Variants in SCARA5 observed in about 807,000 individuals in gnomAD.
SCARA5 encodes scavenger receptor class A member 5.
In SCARA5, 45 loss-of-function variants were observed where a neutral mutation model predicts 46.3. The observed-to-expected ratio is 0.97, with a 90% CI of 0.76 to 1.24. The LOEUF (loss-of-function observed/expected upper bound fraction) is 1.24, where lower values mean the gene tolerates loss of function less well. SCARA5 is among the 50% of genes most tolerant of loss of function. The probability of loss-of-function intolerance (pLI) is 0.00; values close to 1 mark genes in which losing one functional copy is unlikely to be tolerated. For missense variants in SCARA5, 680 were observed against 689.0 expected (o/e 0.99, Z 0.15); for synonymous variants, 333 against 306.5 (o/e 1.09, Z -0.90).
chr8:27,956,034 T>C (rs946645218), intron 3 of SCARA5, among the ~76,000 whole-genome samples: 15 of 152,126 alleles, frequency 9.9e-5, no homozygotes, highest in Non-Finnish European at 8.8e-5. Flanking sequence ...GGATTTGAGA[T>C]GATGTTTGTT....
chr8:27,952,805 T>TC (rs1227773487), intron 3 of SCARA5, among the ~76,000 whole-genome samples: 6 of 152,206 alleles, frequency 3.9e-5, no homozygotes, highest in Non-Finnish European at 8.8e-5. Context: ...TGGATTTTTT[T>TC]CCCACTCTCT....
At position 27,940,759 on chromosome 8, in the gene SCARA5, T is replaced by TCC. The variant is rs1563532869; in HGVS notation, c.242-18515_242-18514insGG. Among the ~76,000 whole-genome samples, 42 of 29,050 alleles carry TCC rather than the reference T, an allele frequency of 1.4e-3. No individual in the cohort carries two copies. The South Asian group carries it at 0.056, about 38-fold the overall frequency. The allele number at this position is 29,050 out of a possible 152,430, so 19.1% of individuals were successfully genotyped here. A position where few individuals can be genotyped will look rare whatever the true frequency, so the allele number is the denominator to read the frequency against. The stretch of plus-strand genomic sequence containing the variant: ...CTGCCCATCCACCCACCCAACCATC[T>TCC]GTCCATCCATCCATCCATCCATCCA... On this transcript the variant is annotated intron_variant, in intron 3 of 8. Transcript: ENST00000354914.
At chr8:27,976,099 G>A (rs1808519724) in intron 2 of SCARA5, among the ~76,000 whole-genome samples, 1 of 152,114 alleles carries the variant, frequency 6.6e-6, no homozygotes, top group Non-Finnish European at 1.5e-5. Flanking sequence ...GATGCCCGGT[G>A]TGCGTCTTCT....
intron 3 of SCARA5, among the ~76,000 whole-genome samples, chr8:27,945,408 G>A (rs757596610): frequency 2.6e-5 from 4 of 152,188 alleles, no homozygotes; most frequent in Non-Finnish European, 5.9e-5. Flanking sequence ...ACTACTTCAT[G>A]TGTGTCCATA....
At chr8:27,970,001 A>G (rs2129947507) in intron 2 of SCARA5, among the ~76,000 whole-genome samples, 1 of 152,264 alleles carries the variant, frequency 6.6e-6, no homozygotes, top group South Asian at 2.1e-4. Flanking sequence ...TCCACGTTGT[A>G]CCAGGATTGG....
chr8:27,879,952 A>C (rs969735182), intron 7 of SCARA5, among the ~76,000 whole-genome samples, 186 bp from the exon 8 acceptor site: 1 of 151,654 alleles, frequency 6.6e-6, no homozygotes, highest in East Asian at 1.9e-4. Context: ...TCCCCACCTT[A>C]AAAAAATAGC....
At position 27,871,693 on chromosome 8, in the gene SCARA5, T is replaced by C; in HGVS notation, c.*241A>G. ...TGGTGATCCAGTTGATCAGGGCTCCTCATGCAGGAACCTGGTGGAAGAGAG... is the reference window on the plus strand; with the variant it reads ...TGGTGATCCAGTTGATCAGGGCTCCCCATGCAGGAACCTGGTGGAAGAGAG... On this transcript the variant is annotated 3_prime_UTR_variant, in exon 9 of 9. Transcript: ENST00000354914. The C allele has an allele frequency of 7.2e-7, 1 of 1,381,922 alleles. No individual in the cohort carries two copies. Among genetic ancestry groups the C allele is most frequent in the Non-Finnish European group, 9.4e-7 (1 of 1,067,298 alleles). 85.6% of individuals were successfully genotyped at this position (1,381,922 alleles called of 1,614,324 possible).
chr8:27,977,626 C>T (rs1157557775), intron 2 of SCARA5, among the ~76,000 whole-genome samples: 1 of 152,234 alleles, frequency 6.6e-6, no homozygotes, highest in Non-Finnish European at 1.5e-5. Flanking sequence ...AACTTTCCCT[C>T]TCCTTCCTCC....
At chr8:27,960,532 AT>A (rs1189399861) in intron 3 of SCARA5, among the ~76,000 whole-genome samples, 2 of 152,168 alleles carry the variant, frequency 1.3e-5, no homozygotes, top group African/African-American at 4.8e-5. Context: ...GTATTATTTA[AT>A]TCAGTCCTCA....
At chr8:27,991,972 C>T (rs1203174804) in intron 1 of SCARA5, among the ~76,000 whole-genome samples, 35 of 152,176 alleles carry the variant, frequency 2.3e-4, no homozygotes, top group Admixed American at 2.3e-3. Context: ...GGCTCTTGAG[C>T]TGTGACATGA....
chr8:27,926,717 T>C (rs1454230576), intron 3 of SCARA5, among the ~76,000 whole-genome samples: 2 of 152,200 alleles, frequency 1.3e-5, no homozygotes, highest in Non-Finnish European at 2.9e-5. Context: ...AAGTGTGAGA[T>C]GGTGAGAATC....
chr8:27,977,890 A>C (rs1808550747), intron 2 of SCARA5, among the ~76,000 whole-genome samples: 1 of 152,236 alleles, frequency 6.6e-6, no homozygotes, highest in Non-Finnish European at 1.5e-5. Context: ...GATTTTGAAG[A>C]CTCAGCATGA....
At chr8:27,971,411 T>C (rs546835023) in intron 2 of SCARA5, among the ~76,000 whole-genome samples, 2 of 152,242 alleles carry the variant, frequency 1.3e-5, no homozygotes, top group South Asian at 2.1e-4. Flanking sequence ...ACAGGACTTA[T>C]AAATTTGAAA....
intron 7 of SCARA5, among the ~76,000 whole-genome samples, chr8:27,897,799 C>T (rs756705441): frequency 1.3e-5 from 2 of 152,264 alleles, no homozygotes; most frequent in African/African-American, 2.4e-5. Flanking sequence ...ACACACTCAC[C>T]TGGCTGCTAA....
chr8:27,919,087 GGAGGAGGAGAAGGAA>G (rs1807537676), intron 4 of SCARA5, among the ~76,000 whole-genome samples: 1 of 135,470 alleles, frequency 7.4e-6, no homozygotes, highest in Non-Finnish European at 1.6e-5. Flanking sequence ...AGAGAAGGGT[GGAGGAGGAGAAGGAA>G]GAGGAGGAGG....
chr8:27,930,798 A>G (rs1807759150), intron 3 of SCARA5, among the ~76,000 whole-genome samples: 1 of 152,214 alleles, frequency 6.6e-6, no homozygotes, highest in African/African-American at 2.4e-5. Context: ...CCCTGCTAGT[A>G]GGAAGCAGCT....
At chr8:27,884,525 G>A (rs375372922) in intron 7 of SCARA5, among the ~76,000 whole-genome samples, 13 of 152,358 alleles carry the variant, frequency 8.5e-5, no homozygotes, top group African/African-American at 2.9e-4. Flanking sequence ...CACAGTGTGG[G>A]GTCAGCAAGT....
intron 3 of SCARA5, among the ~76,000 whole-genome samples, chr8:27,962,017 C>T (rs1009832468): frequency 3.3e-5 from 5 of 152,070 alleles, no homozygotes; most frequent in African/African-American, 4.8e-5. Flanking sequence ...TTCCTTGTTC[C>T]GTAAAGAATT....
At chr8:27,969,894 G>A (rs1383786282) in intron 2 of SCARA5, among the ~76,000 whole-genome samples, 9 of 152,248 alleles carry the variant, frequency 5.9e-5, no homozygotes, top group South Asian at 4.2e-4. Flanking sequence ...AACTTTAACA[G>A]GCATTTATGG....
Sources: gnomAD v4.1 joint callset for allele counts (sites outside exome capture counted in the v4.1 genomes callset) on GRCh38, gnomAD v4.1.1 for gene constraint, MANE v1.5 for transcripts, NCBI Gene and HGNC (gene_info 2026-07-23, HGNC 2026-07-21) for gene names.